Variants in PDSS2 observed in about 807,000 individuals in gnomAD.
PDSS2 encodes the protein decaprenyl diphosphate synthase subunit 2, also known as all trans-polyprenyl-diphosphate synthase PDSS2.
In PDSS2, 31 loss-of-function variants were observed where a neutral mutation model predicts 44.5. The ratio of observed to expected loss-of-function variants is 0.70; its 90% confidence interval spans 0.52 to 0.94. The LOEUF is 0.94. Ranked by LOEUF, PDSS2 falls within the 40% of genes least tolerant of loss-of-function variation. PDSS2 has a pLI of 0.00. For synonymous variants in PDSS2, 157 were observed against 180.3 expected, an observed-to-expected ratio of 0.87 and a Z score of 1.03; for missense variants, 452 against 482.2, an observed-to-expected ratio of 0.94 and a Z score of 0.59.
chr6:107,318,997 T>A (rs1403071375), intron 2 of PDSS2, among the ~76,000 whole-genome samples: 4 of 94,012 alleles, frequency 4.3e-5, no homozygotes, highest in African/African-American at 9.4e-5. Flanking sequence ...AAAAAGAAAA[T>A]ATATATATAT....
At chr6:107,220,518 A>G (rs1773566848) in intron 4 of PDSS2, among the ~76,000 whole-genome samples, 1 of 152,068 alleles carries the variant, frequency 6.6e-6, no homozygotes, top group Admixed American at 6.6e-5. Context: ...AGATATAACT[A>G]TATAGATACA....
chr6:107,425,770 G>C (rs1780980012), intron 1 of PDSS2, among the ~76,000 whole-genome samples: 1 of 152,120 alleles, frequency 6.6e-6, no homozygotes, highest in African/African-American at 2.4e-5. Flanking sequence ...GACCATCCTG[G>C]CTAACATGGT....
intron 2 of PDSS2, among the ~76,000 whole-genome samples, chr6:107,274,659 C>T (rs1775715961): frequency 6.9e-6 from 1 of 145,284 alleles, no homozygotes; most frequent in Non-Finnish European, 1.5e-5. Context: ...CATACATTAT[C>T]TCTCTCTCTT....
chr6:107,336,906 T>G (rs1168498050), intron 1 of PDSS2, among the ~76,000 whole-genome samples: 1 of 136,578 alleles, frequency 7.3e-6, no homozygotes, highest in African/African-American at 2.8e-5. Flanking sequence ...GGTCAGGGAT[T>G]AAGGATATGA....
intron 2 of PDSS2, among the ~76,000 whole-genome samples, chr6:107,309,061 A>C (rs1434729699): frequency 1.3e-5 from 2 of 152,276 alleles, no homozygotes; most frequent in African/African-American, 4.8e-5. Context: ...TTAAGGAGAA[A>C]AAAATAAATG....
At chr6:107,253,691 G>GT (rs779623605) in intron 3 of PDSS2, among the ~76,000 whole-genome samples, 66 of 152,194 alleles carry the variant, frequency 4.3e-4, no homozygotes, top group Middle Eastern at 3.4e-3. Flanking sequence ...GTAAAAAATA[G>GT]TTTTTTTAGC....
chr6:107,451,612 T>C (rs376685142), intron 1 of PDSS2, among the ~76,000 whole-genome samples: 1 of 152,266 alleles, frequency 6.6e-6, no homozygotes, highest in South Asian at 2.1e-4. Context: ...GCATATTCTA[T>C]ATGGGTCAAA....
chr6:107,391,607 C>G (rs1317771060), intron 1 of PDSS2, among the ~76,000 whole-genome samples: 1 of 152,006 alleles, frequency 6.6e-6, no homozygotes, highest in Non-Finnish European at 1.5e-5. Flanking sequence ...ATTGGTACTT[C>G]TAGTATACTA....
chr6:107,174,616 A>T (rs1771722288), intron 7 of PDSS2, among the ~76,000 whole-genome samples: 1 of 152,198 alleles, frequency 6.6e-6, no homozygotes, highest in Non-Finnish European at 1.5e-5. Context: ...GTTTTCTAAT[A>T]CAATAAACTG....
In PDSS2 at chr6:107,181,533, C is replaced by CAA. The variant is rs199867474; in HGVS notation, c.1041+12287_1041+12288dup. Reference sequence around the variant, plus strand: ...TGGTGACAAGAGTGAATCTCTGTCTCAAAAAAAAAAGAAAAGAAAAGAAAA... The same window carrying CAA: ...TGGTGACAAGAGTGAATCTCTGTCTCAAAAAAAAAAAAGAAAAGAAAAGAAAA... On this transcript the variant is annotated intron_variant, in intron 7 of 7. Transcript: ENST00000369037. 4.9e-3 allele frequency among the ~76,000 whole-genome samples: 535 copies of CAA among 108,246 alleles called. 5 individuals carry two copies. The highest frequency in any genetic ancestry group is 0.015 in the Admixed American group (141 of 9,592). The allele number at this position is 108,246 out of a possible 152,430, so 71.0% of individuals were successfully genotyped here.
intron 1 of PDSS2, among the ~76,000 whole-genome samples, chr6:107,435,151 C>T (rs1450178688): frequency 6.6e-6 from 1 of 151,964 alleles, no homozygotes; most frequent in African/African-American, 2.4e-5. Context: ...TGGTGTTACA[C>T]ATCTGTAGTC....
chr6:107,213,406 T>A (rs1582795380), intron 4 of PDSS2, among the ~76,000 whole-genome samples: 1 of 151,594 alleles, frequency 6.6e-6, no homozygotes, highest in East Asian at 2.0e-4. Flanking sequence ...TGCCTTGGCC[T>A]CCCAAAGTGC....
At chr6:107,299,056 A>C (rs1776605858) in intron 2 of PDSS2, among the ~76,000 whole-genome samples, 2 of 144,066 alleles carry the variant, frequency 1.4e-5, no homozygotes, top group Admixed American at 1.5e-4. Context: ...CTGAGGTGGG[A>C]GGATCGCCTG....
chr6:107,393,945 T>C (rs190368143), intron 1 of PDSS2, among the ~76,000 whole-genome samples: 113 of 152,336 alleles, frequency 7.4e-4, no homozygotes, highest in Middle Eastern at 6.8e-3. Flanking sequence ...CTTTGGTTTT[T>C]ATATTCAAAG....
At chr6:107,345,971 A>G (rs1295039229) in intron 1 of PDSS2, among the ~76,000 whole-genome samples, 1 of 152,206 alleles carries the variant, frequency 6.6e-6, no homozygotes, top group Non-Finnish European at 1.5e-5. Context: ...CTTAGCTCTC[A>G]TAATCACAAA....
At position 107,293,709 on chromosome 6, in the gene PDSS2, G is replaced by A. The variant is rs1776420198; in HGVS notation, c.432-19482C>T. 3.3e-5 allele frequency among the ~76,000 whole-genome samples: 5 copies of A among 152,298 alleles called. No homozygotes were observed. In the South Asian group the frequency reaches 1.0e-3, roughly 32 times the overall value. ...GAAATGACAGTCCACTGACAACCCAGAGAGTAAACTAGAAAATGCTGCTGA... is the reference window on the plus strand; with the variant it reads ...GAAATGACAGTCCACTGACAACCCAAAGAGTAAACTAGAAAATGCTGCTGA... On this transcript the variant is annotated intron_variant, in intron 2 of 7. Coordinates refer to ENST00000369037, the MANE Select transcript of PDSS2 (RefSeq NM_020381.4).
chr6:107,319,890 A>G (rs1777328514), intron 2 of PDSS2, among the ~76,000 whole-genome samples: 1 of 152,182 alleles, frequency 6.6e-6, no homozygotes, highest in South Asian at 2.1e-4. Context: ...GGTCTGGTCT[A>G]TCTATAGAGA....
chr6:107,334,115 A>C, intron 2 of PDSS2, 83 bp downstream of exon 2: 1 of 1,183,178 alleles, frequency 8.5e-7, no homozygotes, highest in Non-Finnish European at 1.3e-6. Context: ...AGAATGACAA[A>C]GAATGGTGAT....
At chr6:107,343,778 T>C (rs1201493340) in intron 1 of PDSS2, among the ~76,000 whole-genome samples, 8 of 152,234 alleles carry the variant, frequency 5.3e-5, no homozygotes, top group African/African-American at 1.7e-4. Flanking sequence ...TGTCATTGTA[T>C]AGGTGTTCAA....
Sources: allele counts gnomAD v4.1 joint callset (sites outside exome capture counted in the v4.1 genomes callset), GRCh38; gene constraint gnomAD v4.1.1; transcripts MANE v1.5; gene names NCBI Gene and HGNC (gene_info 2026-07-23, HGNC 2026-07-21).